Variants in KLF12 observed in about 807,000 individuals in gnomAD.
The protein encoded by KLF12 is Krueppel-like factor 12.
KLF12 carries 9 observed loss-of-function variants against 37.8 expected under a neutral mutation model. The observed-to-expected ratio is 0.24, with a 90% CI of 0.14 to 0.42. KLF12 has a LOEUF of 0.42. Ranked by LOEUF, KLF12 falls within the 10% of genes least tolerant of loss-of-function variation. The pLI is 1.00. For missense variants in KLF12, 411 were observed against 516.0 expected (o/e 0.80, Z 1.97); for synonymous variants, 208 against 202.1 (o/e 1.03, Z -0.25).
intron 5 of KLF12, among the ~76,000 whole-genome samples, chr13:73,776,827 T>C (rs1594078529): frequency 6.6e-6 from 1 of 152,194 alleles, no homozygotes; most frequent in East Asian, 1.9e-4. Flanking sequence ...TATGAAGCAC[T>C]CTACCATTGT....
the KLF12 span, among the ~76,000 whole-genome samples, chr13:74,300,484 T>A: frequency 2.4e-3 from 364 of 152,090 alleles, no homozygotes; most frequent in African/African-American, 7.9e-3. Context: ...AAAGAAGGTG[T>A]GGTAGGGGTG....
At chr13:74,101,881 G>C (rs1388965252) in intron 1 of KLF12, among the ~76,000 whole-genome samples, 3 of 152,156 alleles carry the variant, frequency 2.0e-5, no homozygotes, top group Admixed American at 1.3e-4. Context: ...ATTTGGCAAC[G>C]ATCACTGTGG....
rs1462628851 is a variant in KLF12 at position 73,688,633 on chromosome 13, G to C, written c.*6857C>G. On this transcript the variant is annotated 3_prime_UTR_variant, in exon 8 of 8. Transcript: ENST00000377669. Reference sequence around the variant, plus strand: ...ATGAGAAAAGTGACAAGTTCGGGGAGACAACTGGTTGCTATTGTTTGTTTA... The same window carrying C: ...ATGAGAAAAGTGACAAGTTCGGGGACACAACTGGTTGCTATTGTTTGTTTA... 1 of 152,196 alleles carries C rather than the reference G, an allele frequency of 6.6e-6. No homozygotes were observed. Among genetic ancestry groups the C allele is most frequent in the East Asian group, 1.9e-4 (1 of 5,200 alleles). The allele number at this position is 152,196 out of a possible 1,614,324, so 9.4% of individuals were successfully genotyped here.
chr13:74,236,084 G>A, the KLF12 span, among the ~76,000 whole-genome samples: 1 of 148,390 alleles, frequency 6.7e-6, no homozygotes, highest in South Asian at 2.1e-4. Flanking sequence ...TCCCAATGCT[G>A]TCCCTCCCCG....
chr13:74,023,171 T>A (rs1473455778), intron 1 of KLF12, among the ~76,000 whole-genome samples: 1 of 152,188 alleles, frequency 6.6e-6, no homozygotes, highest in Admixed American at 6.5e-5. Context: ...GGGGATGGGA[T>A]CCTAGTATGG....
rs139735961 is a variant in KLF12, at chr13:73,756,148, ATTGAT to A, written c.869+8785_869+8789del. On this transcript the variant is annotated intron_variant, in intron 6 of 7. Transcript: ENST00000377669. Reference sequence around the variant, plus strand: ...AGTCTGGGTCAGATATCATTTATTTATTGATTTAAGATAAATATAAATATTATTTA... The same window carrying A: ...AGTCTGGGTCAGATATCATTTATTTATTAAGATAAATATAAATATTATTTA... Among the ~76,000 whole-genome samples, 1,156 of 152,212 alleles carry A rather than the reference ATTGAT, an allele frequency of 7.6e-3. 17 individuals are homozygous for A. Among genetic ancestry groups the A allele is most frequent in the African/African-American group, 0.026 (1,084 of 41,550 alleles).
the KLF12 span, among the ~76,000 whole-genome samples, chr13:74,143,026 C>T: frequency 6.6e-6 from 1 of 150,474 alleles, no homozygotes; most frequent in Non-Finnish European, 1.5e-5. Flanking sequence ...CTCCCTCCCT[C>T]CTTCCTTCCC....
chr13:74,132,292 C>A lies in KLF12; in HGVS notation c.-32+1447G>T, dbSNP rs530831086. Among the ~76,000 whole-genome samples the A allele has an allele frequency of 3.1e-4, 47 of 152,248 alleles. 1 individual carries two copies. The South Asian group carries it at 9.2e-3, about 30-fold the overall frequency. On this transcript the variant is annotated intron_variant, in intron 1 of 7. Transcript: ENST00000377669. ...AAAGCATTTACTTATCTAAACAACTCTATCGTCCAGTAAGAAAAGGGCATG... is the reference window on the plus strand; with the variant it reads ...AAAGCATTTACTTATCTAAACAACTATATCGTCCAGTAAGAAAAGGGCATG...
At chr13:74,073,958 C>T (rs545676379) in intron 1 of KLF12, among the ~76,000 whole-genome samples, 21 of 152,156 alleles carry the variant, frequency 1.4e-4, no homozygotes, top group African/African-American at 5.1e-4. Flanking sequence ...CTTTCTTGCC[C>T]CATTTTATAT....
At chr13:73,817,266 T>C (rs1289075497) in intron 4 of KLF12, among the ~76,000 whole-genome samples, 1 of 142,848 alleles carries the variant, frequency 7.0e-6, no homozygotes, top group Non-Finnish European at 1.5e-5. Flanking sequence ...TGCAGTGAGC[T>C]ACGATCACAC....
chr13:74,207,553 G>A, the KLF12 span, among the ~76,000 whole-genome samples: 1 of 152,152 alleles, frequency 6.6e-6, no homozygotes. Flanking sequence ...GCAGATGCCT[G>A]TAATCCCAGC....
At chr13:74,286,151 CTCT>C in the KLF12 span, among the ~76,000 whole-genome samples, 1 of 152,140 alleles carries the variant, frequency 6.6e-6, no homozygotes, top group African/African-American at 2.4e-5. Flanking sequence ...GTCATTTTAC[CTCT>C]TCTTTTTTTC....
intron 5 of KLF12, among the ~76,000 whole-genome samples, chr13:73,788,066 T>C (rs1344934537): frequency 6.6e-6 from 1 of 152,194 alleles, no homozygotes; most frequent in Non-Finnish European, 1.5e-5. Flanking sequence ...GGTTCTCTTA[T>C]AATATAAAGT....
chr13:73,736,771 T>C (rs1192493524), intron 6 of KLF12, among the ~76,000 whole-genome samples: 2 of 152,152 alleles, frequency 1.3e-5, no homozygotes, highest in African/African-American at 2.4e-5. Context: ...ACATCATCAG[T>C]GCAAGTTCAG....
At chr13:73,802,920 T>C (rs904552226) in intron 5 of KLF12, among the ~76,000 whole-genome samples, 15 of 152,172 alleles carry the variant, frequency 9.9e-5, no homozygotes, top group African/African-American at 3.6e-4. Flanking sequence ...AATAGTAACA[T>C]GTACACTAAT....
chr13:73,856,164 A>G (rs1026484068), intron 3 of KLF12, among the ~76,000 whole-genome samples: 1 of 152,214 alleles, frequency 6.6e-6, no homozygotes, highest in African/African-American at 2.4e-5. Context: ...CTGGGGACTT[A>G]GAGATGAAGG....
chr13:73,800,917 G>T (rs189615303), intron 5 of KLF12: 104 of 152,174 alleles, frequency 6.8e-4, no homozygotes, highest in African/African-American at 2.1e-3. Flanking sequence ...CTGAAAATAT[G>T]TTGGCACTCT....
At chr13:74,241,478 C>G in the KLF12 span, among the ~76,000 whole-genome samples, 6 of 152,192 alleles carry the variant, frequency 3.9e-5, no homozygotes, top group Non-Finnish European at 8.8e-5. Flanking sequence ...CCACCCAGTT[C>G]GAGCTTCTGG....
chr13:74,167,571 A>T, the KLF12 span, among the ~76,000 whole-genome samples: 14 of 152,252 alleles, frequency 9.2e-5, no homozygotes, highest in African/African-American at 3.4e-4. Flanking sequence ...GGTGAGTCTG[A>T]GGTATTTCAA....
Sources: gnomAD v4.1 joint callset for allele counts (sites outside exome capture counted in the v4.1 genomes callset) on GRCh38, gnomAD v4.1.1 for gene constraint, MANE v1.5 for transcripts, NCBI Gene and HGNC (gene_info 2026-07-23, HGNC 2026-07-21) for gene names.